CTNNAL1: variants seen among roughly 807,000 people sequenced by gnomAD.
CTNNAL1 encodes catenin alpha like 1.
In CTNNAL1, 69 loss-of-function variants were observed where a neutral mutation model predicts 93.6. That is an observed-to-expected ratio of 0.74 (90% confidence interval 0.61 to 0.90). The LOEUF (loss-of-function observed/expected upper bound fraction) is 0.90. Ranked by LOEUF, CTNNAL1 falls within the 40% of genes least tolerant of loss-of-function variation. CTNNAL1 has a pLI of 0.00. For missense variants in CTNNAL1, 836 were observed against 862.0 expected, an observed-to-expected ratio of 0.97 and a Z score of 0.38; for synonymous variants, 286 against 305.4, an observed-to-expected ratio of 0.94 and a Z score of 0.66.
chr9:108,947,040 C>T (rs1830425355), intron 15 of CTNNAL1, among the ~76,000 whole-genome samples: 1 of 152,000 alleles, frequency 6.6e-6, no homozygotes, highest in African/African-American at 2.4e-5. Context: ...GACAATCATC[C>T]TCTTAAGCTG....
chr9:108,957,839 C>T (rs759083648), intron 11 of CTNNAL1, among the ~76,000 whole-genome samples: 5 of 151,774 alleles, frequency 3.3e-5, no homozygotes, highest in African/African-American at 4.8e-5. Context: ...AGTAGGAACC[C>T]GGGCATGGTG....
intron 11 of CTNNAL1, among the ~76,000 whole-genome samples, chr9:108,964,509 TA>T (rs1346269533): frequency 3.3e-5 from 5 of 152,052 alleles, no homozygotes; most frequent in Non-Finnish European, 5.9e-5. Flanking sequence ...GGTATTAAAA[TA>T]AAGAATAAAA....
intron 12 of CTNNAL1, among the ~76,000 whole-genome samples, chr9:108,954,000 G>C (rs1251024001): frequency 6.6e-6 from 1 of 152,028 alleles, no homozygotes; most frequent in Non-Finnish European, 1.5e-5. Context: ...TTTAGGTTTA[G>C]TTTTATTCAG....
At chr9:109,006,376 A>G (rs1407537783) in intron 1 of CTNNAL1, among the ~76,000 whole-genome samples, 11 of 152,242 alleles carry the variant, frequency 7.2e-5, no homozygotes, top group Admixed American at 5.9e-4. Context: ...AATTTTACAG[A>G]TACAAAATCT....
Position 108,984,327 on chromosome 9 carries a change from T to A in CTNNAL1, c.729+20A>T. 1 of 1,469,312 alleles carries A rather than the reference T, an allele frequency of 6.8e-7. No homozygotes were observed. The highest frequency in any genetic ancestry group is 1.2e-5 in the South Asian group (1 of 86,028). The allele number at this position is 1,469,312 out of a possible 1,614,324, so 91.0% of individuals were successfully genotyped here. A position where few individuals can be genotyped will look rare whatever the true frequency, so the allele number is the denominator to read the frequency against. On this transcript the variant is annotated intron_variant, in intron 5 of 18. Transcript: ENST00000325551. ...TTCTAATTATTAATTTATTACACAG[T>A]AAAACCAAAATTGTCTTACCTTTGA...
intron 8 of CTNNAL1, 31 bp from the exon 9 acceptor site, chr9:108,972,864 G>GGGGGGGGGGGGGGGGGGCCCCCCCCC: frequency 3.5e-5 from 5 of 142,538 alleles, no homozygotes; most frequent in Non-Finnish European, 5.0e-5. Flanking sequence ...GGGGGGGTGG[G>GGGGGGGGGGGGGGGGGGCCCCCCCCC]AGGGTGGAGA....
chr9:108,953,099 T>G (rs535998401), intron 12 of CTNNAL1, among the ~76,000 whole-genome samples: 2 of 152,300 alleles, frequency 1.3e-5, no homozygotes, highest in East Asian at 3.9e-4. Context: ...GAACCAATGT[T>G]CAATGGTTCC....
At chr9:108,943,083 T>C in intron 17 of CTNNAL1, 39 bp from the exon 18 acceptor site, 1 of 1,548,682 alleles carries the variant, frequency 6.5e-7, no homozygotes, top group African/African-American at 1.4e-5. Context: ...ATTCTAAAAG[T>C]AGTACTTAAA....
intron 1 of CTNNAL1, among the ~76,000 whole-genome samples, chr9:109,008,001 A>G (rs1827085534): frequency 6.6e-6 from 1 of 152,072 alleles, no homozygotes; most frequent in South Asian, 2.1e-4. Context: ...TGATAATTAT[A>G]GCTGTGGTTT....
At chr9:108,983,890 T>A (rs1319529659) in intron 5 of CTNNAL1, among the ~76,000 whole-genome samples, 2 of 152,230 alleles carry the variant, frequency 1.3e-5, no homozygotes, top group African/African-American at 4.8e-5. Flanking sequence ...GGCCAACTGC[T>A]GTTTGGAAAT....
chr9:108,998,385 TTGC>T (rs1168832974), intron 2 of CTNNAL1, among the ~76,000 whole-genome samples: 1 of 148,098 alleles, frequency 6.8e-6, no homozygotes, highest in Non-Finnish European at 1.5e-5. Flanking sequence ...AACTCTTACC[TTGC>T]TTTTTTTTTT....
chr9:108,959,094 T>TACAGGATTA (rs1468339677), intron 11 of CTNNAL1, among the ~76,000 whole-genome samples: 25 of 151,064 alleles, frequency 1.7e-4, no homozygotes, highest in African/African-American at 6.1e-4. Context: ...GCATGGTGGC[T>TACAGGATTA]CATGCCTGTA....
In CTNNAL1 at chr9:108,962,133, C is replaced by T. The variant is rs531577609; in HGVS notation, c.1591+3245G>A. Among the ~76,000 whole-genome samples, 8 of 152,242 alleles carry T rather than the reference C, an allele frequency of 5.3e-5. No homozygotes were observed. The South Asian group carries it at 6.2e-4, about 12-fold the overall frequency. ...ATAGTTTACTCACTGTGGGATACTTCGAGCCTCAGTTTCATCATTCATAAA... is the reference window on the plus strand; with the variant it reads ...ATAGTTTACTCACTGTGGGATACTTTGAGCCTCAGTTTCATCATTCATAAA... On this transcript the variant is annotated intron_variant, in intron 11 of 18. Coordinates refer to ENST00000325551, the MANE Select transcript of CTNNAL1 (RefSeq NM_003798.4).
chr9:108,997,696 G>A (rs576935505), intron 2 of CTNNAL1, among the ~76,000 whole-genome samples: 37 of 152,214 alleles, frequency 2.4e-4, no homozygotes, highest in African/African-American at 8.2e-4. Context: ...TTGCCTAGCT[G>A]TTCATATCCC....
intron 8 of CTNNAL1, 31 bp from the exon 9 acceptor site, chr9:108,972,864 G>GGGGGGGGCGCCCCC: frequency 1.4e-5 from 2 of 142,576 alleles, no homozygotes; most frequent in Non-Finnish European, 2.0e-5. Context: ...GGGGGGGTGG[G>GGGGGGGGCGCCCCC]AGGGTGGAGA....
At chr9:109,004,767 C>A (rs1302566731) in intron 1 of CTNNAL1, among the ~76,000 whole-genome samples, 1 of 151,428 alleles carries the variant, frequency 6.6e-6, no homozygotes. Flanking sequence ...GCCCGGGTGA[C>A]AGAGCGAGAC....
Position 108,984,399 on chromosome 9 carries a change from G to T in CTNNAL1, c.677C>A (p.Ala226Glu), listed in dbSNP as rs1471220888. 2 of 1,611,808 alleles carry T rather than the reference G, an allele frequency of 1.2e-6. No homozygotes were observed. The highest frequency in any genetic ancestry group is 3.3e-5 in the Admixed American group (2 of 59,952). Residue 226 changes from alanine to glutamate, a missense_variant, in exon 5 of 19, where the codon GCA becomes GAA. Physicochemically the swap from Ala to Glu is moderately radical, Grantham distance 107. Transcript: ENST00000325551. ...ACACTTTTCAAGAACTGCCCTAGCT[G>T]CTGCCATTTTTGCCTTTTTCTTTTC... ...KDEKKKAKMA[A>E]ARAVLEKCTM...
intron 1 of CTNNAL1, among the ~76,000 whole-genome samples, chr9:109,012,634 G>C (rs1827239705): frequency 6.6e-6 from 1 of 152,200 alleles, no homozygotes; most frequent in Admixed American, 6.5e-5. Context: ...GCAAAACGGT[G>C]TGCATCTGGA....
Position 108,952,246 on chromosome 9 carries a change from T to C in CTNNAL1, c.1798A>G (p.Met600Val), listed in dbSNP as rs1587945747. The part of the protein sequence containing the change: ...ENEIVQYGRN[M>V]SSMAYSLYLF... ...TACAGAGAATAGGCCATACTGGACA[T>C]GTTCCGTCCATATTGAACAATCTCA... Residue 600 changes from methionine (M) to valine (V), a missense_variant, in exon 14 of 19, where the codon ATG (methionine) becomes GTG (valine). By Grantham distance (21) the Met-to-Val change is conservative. Transcript: ENST00000325551. 1 of 1,613,792 alleles carries C rather than the reference T, an allele frequency of 6.2e-7. No homozygotes were observed. Among genetic ancestry groups the C allele is most frequent in the Non-Finnish European group, 8.5e-7 (1 of 1,179,666 alleles).
Sources: gnomAD v4.1 joint callset for allele counts (sites outside exome capture counted in the v4.1 genomes callset) on GRCh38, gnomAD v4.1.1 for gene constraint, MANE v1.5 for transcripts, NCBI Gene and HGNC (gene_info 2026-07-23, HGNC 2026-07-21) for gene names.